DARS2: variants seen among roughly 807,000 people sequenced by gnomAD.
The protein encoded by DARS2 is aspartate--tRNA ligase, mitochondrial.
A neutral mutation model predicts 83.0 loss-of-function variants in DARS2; 63 were observed. The observed-to-expected ratio is 0.76, with a 90% confidence interval of 0.62 to 0.94. The LOEUF (loss-of-function observed/expected upper bound fraction) is 0.94, where lower values mean the gene tolerates loss of function less well. Among genes scored for constraint, DARS2 ranks in the 40% least tolerant of loss-of-function variants. DARS2 has a pLI of 0.00. For synonymous variants in DARS2, 250 were observed against 269.3 expected, an observed-to-expected ratio of 0.93 and a Z score of 0.70; for missense variants, 675 against 774.4, an observed-to-expected ratio of 0.87 and a Z score of 1.52.
chr1:173,824,852 G>T lies in DARS2; in HGVS notation c.-378G>T, dbSNP rs936080765. 4.4e-6 allele frequency: 1 copy of T among 226,792 alleles called. No individual in the cohort carries two copies. The highest frequency in any genetic ancestry group is 2.3e-5 in the African/African-American group (1 of 43,646). 14.0% of individuals were successfully genotyped at this position (226,792 alleles called of 1,614,324 possible). A position where few individuals can be genotyped will look rare whatever the true frequency, so the allele number is the denominator to read the frequency against. ...GCCGCGGGAGCCTCTCGAGAAGCGT[G>T]GAAAGAGGAGAAGGGCGTATACCTT... On this transcript the variant is annotated 5_prime_UTR_variant, in exon 1 of 17. Transcript: ENST00000649689.
chr1:173,846,018 C>T (rs1181203155), intron 12 of DARS2, among the ~76,000 whole-genome samples: 1 of 151,996 alleles, frequency 6.6e-6, no homozygotes, highest in East Asian at 1.9e-4. Context: ...ATTAGCTGGG[C>T]GTGGTGGCGC....
At chr1:173,849,240 A>G (rs779073930) in intron 12 of DARS2, among the ~76,000 whole-genome samples, 9 of 151,728 alleles carry the variant, frequency 5.9e-5, no homozygotes, top group Non-Finnish European at 1.2e-4. Flanking sequence ...GGGCATTTTA[A>G]AAGCTGGTTG....
At chr1:173,825,913 G>A (rs1489150196) in intron 1 of DARS2, among the ~76,000 whole-genome samples, 4 of 151,172 alleles carry the variant, frequency 2.6e-5, no homozygotes, top group Admixed American at 2.6e-4. Context: ...CTCTGCTTTT[G>A]GTTGATGCCT....
At chr1:173,832,925 G>C (rs939299669) in intron 5 of DARS2, among the ~76,000 whole-genome samples, 1 of 152,046 alleles carries the variant, frequency 6.6e-6, no homozygotes, top group Non-Finnish European at 1.5e-5. Context: ...TTTAGGAGAT[G>C]GGGTCTTGCT....
intron 12 of DARS2, among the ~76,000 whole-genome samples, chr1:173,846,441 A>G (rs947749746): frequency 6.6e-6 from 1 of 151,374 alleles, no homozygotes; most frequent in African/African-American, 2.4e-5. Flanking sequence ...GCAGTGAGCT[A>G]TGATTATGCC....
chr1:173,827,588 G>C (rs1052825694), intron 2 of DARS2, among the ~76,000 whole-genome samples: 3 of 151,848 alleles, frequency 2.0e-5, no homozygotes, highest in Non-Finnish European at 4.4e-5. Context: ...CTGAGATTGC[G>C]CCACTGCACT....
chr1:173,842,802 G>T (rs1653279785), intron 11 of DARS2, among the ~76,000 whole-genome samples: 1 of 151,588 alleles, frequency 6.6e-6, no homozygotes, highest in Non-Finnish European at 1.5e-5. Context: ...GCTGGGCATT[G>T]TGGTGGGTGC....
intron 12 of DARS2, among the ~76,000 whole-genome samples, chr1:173,845,693 A>G (rs1017191012): frequency 1.3e-5 from 2 of 151,810 alleles, no homozygotes; most frequent in Non-Finnish European, 2.9e-5. Context: ...GCACCACCGC[A>G]CTCCAGCCTA....
chr1:173,824,937 C>T lies in DARS2; in HGVS notation c.-293C>T. 2.7e-6 allele frequency: 1 copy of T among 368,320 alleles called. No homozygotes were observed. Among genetic ancestry groups the T allele is most frequent in the South Asian group, 2.2e-5 (1 of 45,960 alleles). 22.8% of individuals were successfully genotyped at this position (368,320 alleles called of 1,614,324 possible). On this transcript the variant is annotated 5_prime_UTR_variant, in exon 1 of 17. Coordinates refer to ENST00000649689, the MANE Select transcript of DARS2 (RefSeq NM_018122.5). The stretch of plus-strand genomic sequence containing the variant: ...GCGCCGCTACGTGGAGTCGCTCTCT[C>T]GTCGTCACTTTTGGCTGCCGACTTG...
chr1:173,828,336 A>G lies in DARS2; in HGVS notation c.231A>G (p.Gln77=), dbSNP rs1201324449. The change falls in exon 3 of 17, where the codon CAA becomes CAG. Residue 77 remains glutamine (Q), a synonymous_variant. Transcript: ENST00000649689. The part of the protein sequence containing the change: ...TLCGWIQYRR[Q]NTFLVLRDFD... ...TTTCCCCCCCCCCATTAATCAGGCAAAACACATTCTTGGTCCTAAGAGATT... is the reference window on the plus strand; with the variant it reads ...TTTCCCCCCCCCCATTAATCAGGCAGAACACATTCTTGGTCCTAAGAGATT... The G allele has an allele frequency of 1.6e-6, 2 of 1,221,440 alleles. No individual in the cohort carries two copies. Among genetic ancestry groups the G allele is most frequent in the African/African-American group, 3.0e-5 (2 of 67,244 alleles). 75.7% of individuals were successfully genotyped at this position (1,221,440 alleles called of 1,614,324 possible).
chr1:173,850,283 C>CAAAAAAA, intron 12 of DARS2, 44 bp from the exon 13 acceptor site: 1 of 1,368,454 alleles, frequency 7.3e-7, no homozygotes, highest in African/African-American at 1.7e-5. Flanking sequence ...TCCCACTGTT[C>CAAAAAAA]AAAAAAAAAA....
At position 173,853,344 on chromosome 1, in the gene DARS2, T is replaced by G. The variant is rs1653745095; in HGVS notation, c.1345-5T>G. The G allele has an allele frequency of 6.2e-7, 1 of 1,613,072 alleles. No individual in the cohort carries two copies. Reference sequence around the variant, plus strand: ...TAACTCAATGTTTACGTCTTCTGTTTGCAGTGCTCTTTGTTAGGAAAATTA... The same window carrying G: ...TAACTCAATGTTTACGTCTTCTGTTGGCAGTGCTCTTTGTTAGGAAAATTA... On this transcript the variant is annotated splice_polypyrimidine_tract_variant and splice_region_variant and intron_variant, in intron 13 of 16. Transcript: ENST00000649689.
At position 173,858,240 on chromosome 1, in the gene DARS2, G is replaced by A. The variant is rs1007233612; in HGVS notation, c.*535G>A. The A allele has an allele frequency of 1.3e-5, 2 of 159,186 alleles. No individual in the cohort carries two copies. Among genetic ancestry groups the A allele is most frequent in the South Asian group, 1.8e-4 (1 of 5,622 alleles). 9.9% of individuals were successfully genotyped at this position (159,186 alleles called of 1,614,324 possible). A position where few individuals can be genotyped will look rare whatever the true frequency, so the allele number is the denominator to read the frequency against. The stretch of plus-strand genomic sequence containing the variant: ...AATGCAGAAAACATCACTGAAATGA[G>A]AGTCACAAATTTTTCTTCAGTGTTT... On this transcript the variant is annotated 3_prime_UTR_variant, in exon 17 of 17. Coordinates refer to ENST00000649689, the MANE Select transcript of DARS2 (RefSeq NM_018122.5).
At chr1:173,828,305 G>A (rs1015356672) in intron 2 of DARS2, 28 bp from the exon 3 acceptor site, 17 of 1,586,226 alleles carry the variant, frequency 1.1e-5, no homozygotes, top group Non-Finnish European at 1.2e-5. Context: ...ATCTTAAAAT[G>A]TTTCTTTTCC....
chr1:173,841,006 A>T, intron 11 of DARS2, 33 bp downstream of exon 11: 1 of 1,258,804 alleles, frequency 7.9e-7, no homozygotes, highest in Non-Finnish European at 1.2e-6. Flanking sequence ...TTTCTCTAGA[A>T]TGTATGCTTT....
chr1:173,836,966 C>T lies in DARS2; in HGVS notation c.690C>T (p.Ser230=). 2 of 1,613,896 alleles carry T rather than the reference C, an allele frequency of 1.2e-6. No homozygotes were observed. The highest frequency in any genetic ancestry group is 8.5e-7 in the Non-Finnish European group (1 of 1,179,924). The change falls in exon 8 of 17, where the codon TCC becomes TCT. Residue 230 remains serine, a synonymous_variant. Transcript: ENST00000649689. ...GTGCCAAAGAGTTTTTAGTACCATC[C>T]AGGGAACCTGGAAAGTTTTATTCTC... is the stretch of plus-strand genomic sequence containing the variant. ...PGGAKEFLVP[S]REPGKFYSLP...
Position 173,841,903 on chromosome 1 carries a change from TTGTC to T in DARS2, c.1128+936_1128+939del, listed in dbSNP as rs752371654. On this transcript the variant is annotated intron_variant, in intron 11 of 16. Transcript: ENST00000649689. ...CGTAGTATTCTGTCTGCAGCCTCAGTTGTCTGTCTATCTCTTAGCCCTGTATCAG... is the reference window on the plus strand; with the variant it reads ...CGTAGTATTCTGTCTGCAGCCTCAGTTGTCTATCTCTTAGCCCTGTATCAG... Among the ~76,000 whole-genome samples the T allele has an allele frequency of 5.4e-4, 82 of 152,320 alleles. 1 individual carries two copies. Among genetic ancestry groups the T allele is most frequent in the African/African-American group, 1.7e-3 (69 of 41,574 alleles).
At position 173,853,838 on chromosome 1, in the gene DARS2, T is replaced by C; in HGVS notation, c.1607T>C (p.Ile536Thr). The change falls in exon 15 of 17, where the codon ATA becomes ACA. Residue 536 changes from isoleucine to threonine, a missense_variant. Physicochemically the swap from Ile to Thr is moderately conservative, Grantham distance 89 (BLOSUM62 -1). Transcript: ENST00000649689. ...HYDLVLNGNE[I>T]GGGSIRIHNA... ...GACTTGGTTTTAAATGGCAATGAAA[T>C]AGGAGGTGGTTCAATTCGAATTCAC... The C allele has an allele frequency of 6.2e-7, 1 of 1,614,140 alleles. No homozygotes were observed. Among genetic ancestry groups the C allele is most frequent in the Non-Finnish European group, 8.5e-7 (1 of 1,180,028 alleles).
At chr1:173,845,736 A>AG in intron 12 of DARS2, among the ~76,000 whole-genome samples, 1 of 152,244 alleles carries the variant, frequency 6.6e-6, no homozygotes, top group East Asian at 1.9e-4. Context: ...TCGAAAAAAA[A>AG]TTGGGCTGGG....
Sources: gnomAD v4.1 joint callset for allele counts (sites outside exome capture counted in the v4.1 genomes callset) on GRCh38, gnomAD v4.1.1 for gene constraint, MANE v1.5 for transcripts, NCBI Gene and HGNC (gene_info 2026-07-23, HGNC 2026-07-21) for gene names.